The following DOCK1 variants were observed in gnomAD, a reference collection of about 807,000 sequenced individuals.
DOCK1 encodes dedicator of cytokinesis 1.
Under a neutral mutation model 262.7 loss-of-function variants are expected in DOCK1, and 138 were observed. The ratio of observed to expected loss-of-function variants is 0.53; its 90% CI spans 0.46 to 0.61. The LOEUF (loss-of-function observed/expected upper bound fraction) is 0.61, where lower values mean the gene tolerates loss of function less well. DOCK1 is among the 20% of genes least tolerant of loss of function. The probability of loss-of-function intolerance (pLI) is 0.00; values close to 1 mark genes in which losing one functional copy is unlikely to be tolerated. For synonymous variants in DOCK1, 866 were observed against 867.4 expected (o/e 1.00, Z 0.03); for missense variants, 1,908 against 2,370.7 (o/e 0.80, Z 4.05).
intron 1 of DOCK1, among the ~76,000 whole-genome samples, chr10:126,918,374 G>A (rs1471551802): frequency 6.6e-6 from 1 of 152,262 alleles, no homozygotes; most frequent in African/African-American, 2.4e-5. Flanking sequence ...GGCGGTAGCC[G>A]CCTGTGCCCA....
At chr10:127,371,743 G>C (rs895528715) in intron 33 of DOCK1, among the ~76,000 whole-genome samples, 3 of 152,144 alleles carry the variant, frequency 2.0e-5, no homozygotes, top group African/African-American at 7.2e-5. Context: ...TTTGAAGTCT[G>C]TCTGGATCAT....
chr10:127,053,037 C>A (rs1231299357), intron 22 of DOCK1, among the ~76,000 whole-genome samples: 2 of 152,208 alleles, frequency 1.3e-5, no homozygotes, highest in Non-Finnish European at 2.9e-5. Flanking sequence ...GAGCCCTGTT[C>A]CTGGTCTGAG....
At chr10:127,316,051 A>G (rs1470516649) in intron 29 of DOCK1, among the ~76,000 whole-genome samples, 3 of 152,124 alleles carry the variant, frequency 2.0e-5, no homozygotes, top group Non-Finnish European at 2.9e-5. Flanking sequence ...AAAGGTGTAT[A>G]TTTAAGGCCT....
chr10:127,080,323 C>T (rs1291891029), intron 23 of DOCK1, among the ~76,000 whole-genome samples: 1 of 152,044 alleles, frequency 6.6e-6, no homozygotes, highest in Non-Finnish European at 1.5e-5. Flanking sequence ...TTGATAATTT[C>T]CTTTGAAAAA....
At chr10:127,383,750 C>T (rs901432538) in intron 37 of DOCK1, among the ~76,000 whole-genome samples, 1 of 152,188 alleles carries the variant, frequency 6.6e-6, no homozygotes, top group African/African-American at 2.4e-5. Flanking sequence ...CCTCCCTGGC[C>T]TGGCTGAAAA....
At chr10:127,000,690 C>T (rs981471925) in intron 10 of DOCK1, 6 of 173,898 alleles carry the variant, frequency 3.5e-5, no homozygotes, top group Admixed American at 1.2e-4. Context: ...GAAAGGCAAA[C>T]TGTGAAGAGA....
At chr10:127,274,152 C>G (rs998511923) in intron 29 of DOCK1, among the ~76,000 whole-genome samples, 102 of 152,246 alleles carry the variant, frequency 6.7e-4, no homozygotes, top group African/African-American at 2.0e-3. Context: ...GTTTCGAATA[C>G]TGACAGAAAC....
chr10:127,169,554 T>TA (rs1427121347), intron 27 of DOCK1, among the ~76,000 whole-genome samples: 13 of 152,226 alleles, frequency 8.5e-5, no homozygotes, highest in Non-Finnish European at 4.4e-5. Context: ...CAAATCTGGC[T>TA]ACCACCTGTT....
At chr10:127,254,356 C>T (rs571364231) in intron 28 of DOCK1, among the ~76,000 whole-genome samples, 23 of 152,126 alleles carry the variant, frequency 1.5e-4, no homozygotes, top group Non-Finnish European at 2.4e-4. Context: ...ATATGCCTTT[C>T]GACTGGTTTC....
Position 127,360,120 on chromosome 10 carries a change from C to T in DOCK1, c.3284-1944C>T, listed in dbSNP as rs76803813. 1.8e-3 allele frequency among the ~76,000 whole-genome samples: 267 copies of T among 152,258 alleles called. 1 individual carries two copies. The highest frequency in any genetic ancestry group is 6.2e-3 in the African/African-American group (257 of 41,556). ...TCATTATGTCACCTTAACTAAGGTT[C>T]GCAGCCCCATTTTTAGAAAGGAGTC... On this transcript the variant is annotated intron_variant, in intron 32 of 51. Coordinates refer to ENST00000623213, the MANE Select transcript of DOCK1 (RefSeq NM_001290223.2).
chr10:127,038,228 C>T (rs980705936), intron 19 of DOCK1, among the ~76,000 whole-genome samples: 6 of 151,946 alleles, frequency 3.9e-5, no homozygotes, highest in African/African-American at 9.7e-5. Flanking sequence ...AGCAAAACTC[C>T]GTCTCAAAAA....
rs753156369 is a variant in DOCK1 at position 127,008,711 on chromosome 10, CTG to C, written c.986-19_986-18del. The C allele has an allele frequency of 3.2e-6, 5 of 1,568,118 alleles. No individual in the cohort carries two copies. Among genetic ancestry groups the C allele is most frequent in the Non-Finnish European group, 4.3e-6 (5 of 1,153,078 alleles). On this transcript the variant is annotated intron_variant, in intron 10 of 51. Coordinates refer to ENST00000623213, the MANE Select transcript of DOCK1 (RefSeq NM_001290223.2). ...TATAGCATTTAAGCCAAAACAATCTCTGTTCTCTTTTTGTCTCCAGTGATGGA... is the reference window on the plus strand; with the variant it reads ...TATAGCATTTAAGCCAAAACAATCTCTTCTCTTTTTGTCTCCAGTGATGGA...
At chr10:127,130,977 C>A (rs529992718) in intron 27 of DOCK1, among the ~76,000 whole-genome samples, 1 of 152,240 alleles carries the variant, frequency 6.6e-6, no homozygotes, top group East Asian at 1.9e-4. Flanking sequence ...TCTATCATGT[C>A]GTATCCATGG....
intron 32 of DOCK1, among the ~76,000 whole-genome samples, chr10:127,358,508 C>T (rs7082525): frequency 0.19 from 28,937 of 152,164 alleles, 2,936 homozygotes; most frequent in Middle Eastern, 0.34. Context: ...TTGCCTGTGC[C>T]GCCTCAATTT....
At chr10:127,139,827 A>G (rs554987784) in intron 27 of DOCK1, among the ~76,000 whole-genome samples, 3 of 152,210 alleles carry the variant, frequency 2.0e-5, no homozygotes, top group Non-Finnish European at 4.4e-5. Flanking sequence ...AAAAATGCCC[A>G]TGAACGAGCC....
At chr10:126,980,001 G>T (rs1049270505) in intron 3 of DOCK1, among the ~76,000 whole-genome samples, 7 of 152,024 alleles carry the variant, frequency 4.6e-5, no homozygotes, top group Admixed American at 1.3e-4. Context: ...ATTGAGGGTT[G>T]TCTCCACCTG....
chr10:127,214,393 T>C (rs953798084), intron 27 of DOCK1, among the ~76,000 whole-genome samples: 2 of 152,238 alleles, frequency 1.3e-5, no homozygotes, highest in African/African-American at 4.8e-5. Context: ...AATATGTTCT[T>C]AAGCCTTGCT....
At chr10:126,940,085 T>C (rs1174005966) in intron 1 of DOCK1, among the ~76,000 whole-genome samples, 1 of 152,214 alleles carries the variant, frequency 6.6e-6, no homozygotes, top group African/African-American at 2.4e-5. Flanking sequence ...CCTTTGAGAA[T>C]TGTTTTTCAC....
Position 127,418,605 on chromosome 10 carries a change from G to A in DOCK1, c.4692+64G>A, listed in dbSNP as rs182628523. 1.8e-4 allele frequency: 272 copies of A among 1,532,444 alleles called. 1 individual carries two copies. Among genetic ancestry groups the A allele is most frequent in the Middle Eastern group, 2.0e-4 (1 of 4,980 alleles). The allele number at this position is 1,532,444 out of a possible 1,614,324, so 94.9% of individuals were successfully genotyped here. On this transcript the variant is annotated intron_variant, in intron 45 of 51. Transcript: ENST00000623213. ...GCCCGGGGACAGACTGAAAATTCCC[G>A]AGAGTCCCCAAAGCCCAGAAACGCC...
Sources: allele counts gnomAD v4.1 joint callset (sites outside exome capture counted in the v4.1 genomes callset), GRCh38; gene constraint gnomAD v4.1.1; transcripts MANE v1.5; gene names NCBI Gene and HGNC (gene_info 2026-07-23, HGNC 2026-07-21).